The following EHF variants were observed in gnomAD, a reference collection of about 807,000 sequenced individuals.
EHF encodes the protein ESE3 transcription factor.
EHF carries 14 observed loss-of-function variants against 45.1 expected under a neutral mutation model. The ratio of observed to expected loss-of-function variants is 0.31; its 90% CI spans 0.21 to 0.49. The LOEUF is 0.49. EHF is among the 20% of genes least tolerant of loss of function. EHF has a pLI of 0.99. For missense variants in EHF, 282 were observed against 371.4 expected (o/e 0.76, Z 1.98); for synonymous variants, 136 against 131.8 (o/e 1.03, Z -0.22).
intron 1 of EHF, among the ~76,000 whole-genome samples, chr11:34,635,447 A>ATTTTTTT (rs1853292123): frequency 1.8e-5 from 1 of 57,014 alleles, no homozygotes; most frequent in African/African-American, 4.5e-5. Flanking sequence ...CCGAAACCTT[A>ATTTTTTT]TTCTTTTTTT....
intron 1 of EHF, among the ~76,000 whole-genome samples, chr11:34,627,293 C>G (rs1852462987): frequency 6.6e-6 from 1 of 152,054 alleles, no homozygotes; most frequent in African/African-American, 2.4e-5. Flanking sequence ...AAACCACAAC[C>G]AAGGAGGTCC....
chr11:34,624,954 G>A (rs755061609), intron 1 of EHF, among the ~76,000 whole-genome samples: 1 of 152,064 alleles, frequency 6.6e-6, no homozygotes, highest in Non-Finnish European at 1.5e-5. Flanking sequence ...TCCTCCTCTA[G>A]GCAAAAGGGT....
chr11:34,651,485 C>G (rs1301396062), intron 4 of EHF, 57 bp from the exon 5 acceptor site: 3 of 1,440,468 alleles, frequency 2.1e-6, no homozygotes, highest in East Asian at 4.7e-5. Flanking sequence ...GAAAACGCAG[C>G]CTCTTCTCCC....
At chr11:34,630,733 G>C (rs759963922) in intron 1 of EHF, among the ~76,000 whole-genome samples, 1 of 151,996 alleles carries the variant, frequency 6.6e-6, no homozygotes, top group African/African-American at 2.4e-5. Flanking sequence ...TCTGCTGCCC[G>C]ATTTGGTTCT....
In EHF at chr11:34,662,875, T is replaced by C. The variant is rs376866091; in HGVS notation, c.*3944T>C. Among the ~76,000 whole-genome samples, 2 of 152,164 alleles carry C rather than the reference T, an allele frequency of 1.3e-5. No individual in the cohort carries two copies. The highest frequency in any genetic ancestry group is 1.9e-4 in the East Asian group (1 of 5,168). ...TACTTACTGTATGAATGAAAGAACA[T>C]CACAGTAATCACAATATCAGAGCTG... On this transcript the variant is annotated 3_prime_UTR_variant, in exon 9 of 9. Transcript: ENST00000257831.
chr11:34,641,336 T>C (rs1273726712), intron 1 of EHF, among the ~76,000 whole-genome samples: 2 of 152,212 alleles, frequency 1.3e-5, no homozygotes, highest in Non-Finnish European at 2.9e-5. Context: ...AGCCCATTAT[T>C]GGGCTGATAA....
At chr11:34,624,835 G>A (rs890320930) in intron 1 of EHF, among the ~76,000 whole-genome samples, 5 of 152,190 alleles carry the variant, frequency 3.3e-5, no homozygotes, top group African/African-American at 4.8e-5. Context: ...CACAGTGCAG[G>A]GAAGGCGGGA....
intron 3 of EHF, among the ~76,000 whole-genome samples, chr11:34,647,089 C>G (rs1011370391): frequency 3.3e-5 from 5 of 149,962 alleles, no homozygotes; most frequent in Admixed American, 3.3e-4. Flanking sequence ...ACAAAACCCC[C>G]CCCACACACA....
At chr11:34,622,477 G>C (rs545071351) in intron 1 of EHF, 3 of 1,076,148 alleles carry the variant, frequency 2.8e-6, no homozygotes, top group East Asian at 1.4e-4. Context: ...CTGTGTGACT[G>C]TGTGTTAATT....
chr11:34,651,075 A>T (rs561502855), intron 4 of EHF, among the ~76,000 whole-genome samples: 23 of 152,240 alleles, frequency 1.5e-4, no homozygotes, highest in African/African-American at 5.5e-4. Flanking sequence ...AAGATTGACA[A>T]GACTCTTCCT....
Position 34,632,993 on chromosome 11 carries a change from A to G in EHF, c.-3-9635A>G, listed in dbSNP as rs142250409. Among the ~76,000 whole-genome samples the G allele has an allele frequency of 1.2e-4, 18 of 152,270 alleles. No individual in the cohort carries two copies. In the East Asian group the frequency reaches 3.3e-3, roughly 28 times the overall value. On this transcript the variant is annotated intron_variant, in intron 1 of 8. Transcript: ENST00000257831. Reference sequence around the variant, plus strand: ...AGCTGAGAGACTAATTGTCTTCTGTATGAGGGCTTAAGTCCAGGGTAATTA... The same window carrying G: ...AGCTGAGAGACTAATTGTCTTCTGTGTGAGGGCTTAAGTCCAGGGTAATTA...
At chr11:34,646,333 T>C in intron 2 of EHF, 106 bp from the exon 3 acceptor site, 1 of 1,540,264 alleles carries the variant, frequency 6.5e-7, no homozygotes, top group Non-Finnish European at 8.8e-7. Flanking sequence ...ACACGGACTG[T>C]GGTTGTGTCT....
At chr11:34,627,006 A>G (rs530978170) in intron 1 of EHF, among the ~76,000 whole-genome samples, 1 of 152,318 alleles carries the variant, frequency 6.6e-6, no homozygotes, top group Admixed American at 6.5e-5. Flanking sequence ...TGAGTAAATA[A>G]TTAGTAATTT....
intron 6 of EHF, among the ~76,000 whole-genome samples, chr11:34,655,318 A>G (rs558074268): frequency 6.6e-6 from 1 of 152,296 alleles, no homozygotes; most frequent in South Asian, 2.1e-4. Flanking sequence ...GGGTGATAAG[A>G]TGGTTGAAAG....
At chr11:34,631,697 T>C in intron 1 of EHF, 1 of 438,616 alleles carries the variant, frequency 2.3e-6, no homozygotes, top group Admixed American at 6.4e-5. Context: ...TTTCAAATTA[T>C]GCTTTTTGCC....
In EHF at chr11:34,642,602, G is replaced by C. The variant is rs377644917; in HGVS notation, c.-3-26G>C. ...GACATTTGTCCAAGAGGCACTGACT[G>C]AACAGGCTGTTTGATCCCCTAACAG... is the stretch of plus-strand genomic sequence containing the variant. On this transcript the variant is annotated intron_variant, in intron 1 of 8. Coordinates refer to ENST00000257831, the MANE Select transcript of EHF (RefSeq NM_012153.6). 8 of 1,452,562 alleles carry C rather than the reference G, an allele frequency of 5.5e-6. No individual in the cohort carries two copies. In the African/African-American group the frequency reaches 9.8e-5, roughly 18 times the overall value. The allele number at this position is 1,452,562 out of a possible 1,614,324, so 90.0% of individuals were successfully genotyped here.
intron 6 of EHF, among the ~76,000 whole-genome samples, chr11:34,655,349 T>C (rs1855563462): frequency 6.6e-6 from 1 of 152,140 alleles, no homozygotes; most frequent in Admixed American, 6.5e-5. Context: ...CGTTGGGAAA[T>C]ATAGAATTGT....
intron 7 of EHF, 99 bp downstream of exon 7, chr11:34,657,069 G>T (rs1221182131): frequency 2.2e-6 from 3 of 1,390,698 alleles, no homozygotes; most frequent in Non-Finnish European, 3.0e-6. Flanking sequence ...TCTGTCTGCT[G>T]CCTTCATGTC....
intron 6 of EHF, among the ~76,000 whole-genome samples, chr11:34,653,730 A>G (rs1479592675): frequency 6.6e-6 from 1 of 152,216 alleles, no homozygotes; most frequent in Non-Finnish European, 1.5e-5. Context: ...TCTCTACTGC[A>G]TGGAAGCAGA....
Sources: gnomAD v4.1 joint callset for allele counts (sites outside exome capture counted in the v4.1 genomes callset) on GRCh38, gnomAD v4.1.1 for gene constraint, MANE v1.5 for transcripts, NCBI Gene and HGNC (gene_info 2026-07-23, HGNC 2026-07-21) for gene names.